Variants in SLC22A7 observed in about 807,000 individuals in gnomAD.
SLC22A7 encodes solute carrier family 22 member 7.
SLC22A7 carries 48 observed loss-of-function variants against 62.2 expected under a neutral mutation model. The observed-to-expected ratio is 0.77, with a 90% confidence interval of 0.61 to 0.98. The LOEUF is 0.98. Among genes scored for constraint, SLC22A7 ranks in the 50% least tolerant of loss-of-function variants. The pLI is 0.00. For missense variants in SLC22A7, 581 were observed against 703.8 expected (o/e 0.83, Z 1.97); for synonymous variants, 276 against 314.8 (o/e 0.88, Z 1.30).
intron 5 of SLC22A7, among the ~76,000 whole-genome samples, chr6:43,300,528 G>A (rs1778703349): frequency 6.6e-6 from 1 of 152,202 alleles, no homozygotes; most frequent in Non-Finnish European, 1.5e-5. Context: ...GTGAGTGGCT[G>A]GTGCTGGGAG....
chr6:43,302,892 A>C lies in SLC22A7; in HGVS notation c.1385+129A>C. The C allele has an allele frequency of 1.4e-6, 1 of 706,048 alleles. No homozygotes were observed. The highest frequency in any genetic ancestry group is 2.3e-6 in the Non-Finnish European group (1 of 427,922). 43.7% of individuals were successfully genotyped at this position (706,048 alleles called of 1,614,324 possible). A position where few individuals can be genotyped will look rare whatever the true frequency, so the allele number is the denominator to read the frequency against. On this transcript the variant is annotated intron_variant, in intron 9 of 10. Transcript: ENST00000372585. This position sits in a 1 kb window ranked among gnomAD's most constrained non-coding sequence, Gnocchi z 5.0. ...TTTTTTTAATTTTAATTTTTGGTAG[A>C]GACGGGGTCTTGCTATATTACCCAG... is the stretch of plus-strand genomic sequence containing the variant.
chr6:43,301,535 A>G, intron 6 of SLC22A7, 48 bp from the exon 7 acceptor site: 1 of 1,448,994 alleles, frequency 6.9e-7, no homozygotes, highest in Non-Finnish European at 9.7e-7. Context: ...TCCCATTGAG[A>G]TCACATAGCC....
upstream of SLC22A7, chr6:43,298,031 A>T: frequency 4.0e-6 from 1 of 251,068 alleles, no homozygotes; most frequent in Non-Finnish European, 7.5e-6. Flanking sequence ...CTAGGGGCTC[A>T]CCTCCTATGC....
rs2270860 is a variant in SLC22A7, at chr6:43,302,413, C to T, written c.1275C>T (p.Ser425=). ...LAFGTRLLVS[S]DMKSWSTVLA... is the part of the protein sequence containing the mutation. ...TCGGCACTAGACTGCTAGTGTCCTC[C>T]GGTGAGCCCAGTCCCATAGGTTCTG... The change falls in exon 8 of 11, where the codon TCC becomes TCT. Residue 425 remains serine, a splice_region_variant and synonymous_variant. Transcript: ENST00000372585. The surrounding 1 kb of genome is among the most constrained non-coding windows in gnomAD (Gnocchi z 5.0). 0.33 allele frequency: 521,081 copies of T among 1,575,820 alleles called. 92,367 individuals are homozygous for T. The highest frequency in any genetic ancestry group is 0.68 in the African/African-American group (50,645 of 74,186).
rs371972408 is a variant in SLC22A7, at chr6:43,299,768, C to T, written c.645C>T (p.Ile215=). 2.9e-5 allele frequency: 47 copies of T among 1,614,148 alleles called. No individual in the cohort carries two copies. Among genetic ancestry groups the T allele is most frequent in the Non-Finnish European group, 3.9e-5 (46 of 1,180,012 alleles). The change falls in exon 4 of 11, where the codon ATC becomes ATT. Residue 215 remains isoleucine (I), a synonymous_variant. Coordinates refer to ENST00000372585, the MANE Select transcript of SLC22A7 (RefSeq NM_153320.2). The surrounding 1 kb of genome is among the most constrained non-coding windows in gnomAD (Gnocchi z 4.4). ...TGSALAGFTI[I]VMPLELEWLD... ...CAGCCCTGGCTGGTTTTACCATCAT[C>T]GTGATGCCACTGGGTGAGGCAGGCA...
Position 43,302,507 on chromosome 6 carries a change from A to G in SLC22A7, c.1276+93A>G, listed in dbSNP as rs1040850069. On this transcript the variant is annotated intron_variant, in intron 8 of 10. Transcript: ENST00000372585. The surrounding 1 kb of genome is among the most constrained non-coding windows in gnomAD (Gnocchi z 5.0). Reference sequence around the variant, plus strand: ...GACCCCACCTCCTGGCCAAGAACCCACTCCTCCCCCAGATCCCTGCTCTTA... The same window carrying G: ...GACCCCACCTCCTGGCCAAGAACCCGCTCCTCCCCCAGATCCCTGCTCTTA... The G allele has an allele frequency of 5.6e-6, 7 of 1,256,876 alleles. No homozygotes were observed. The African/African-American group carries it at 1.1e-4, about 19-fold the overall frequency. The allele number at this position is 1,256,876 out of a possible 1,614,324, so 77.9% of individuals were successfully genotyped here. A position where few individuals can be genotyped will look rare whatever the true frequency, so the allele number is the denominator to read the frequency against.
At position 43,301,139 on chromosome 6, in the gene SLC22A7, G is replaced by A. The variant is rs778780635; in HGVS notation, c.832G>A (p.Val278Met). 6.2e-6 allele frequency: 10 copies of A among 1,614,068 alleles called. No homozygotes were observed. The Admixed American group carries it at 1.3e-4, about 22-fold the overall frequency. ...CAPGILSLWW[V>M]PESARWLLTQ... is the part of the protein sequence containing the mutation. ...GGACCTTCTGCCTATTCCTAGGTGG[G>A]TGCCTGAGTCTGCACGCTGGCTTCT... The change falls in exon 6 of 11, where the codon GTG becomes ATG. Residue 278 changes from valine (V) to methionine (M), a missense_variant. Physicochemically the swap from Val to Met is conservative, Grantham distance 21. Coordinates refer to ENST00000372585, the MANE Select transcript of SLC22A7 (RefSeq NM_153320.2).
In SLC22A7 at chr6:43,299,734, T is replaced by C; in HGVS notation, c.611T>C (p.Leu204Pro). The change falls in exon 4 of 11, where the codon CTT becomes CCT. Residue 204 changes from leucine to proline, a missense_variant. Physicochemically the swap from Leu to Pro is moderately conservative, Grantham distance 98. Coordinates refer to ENST00000372585, the MANE Select transcript of SLC22A7 (RefSeq NM_153320.2). This position sits in a 1 kb window ranked among gnomAD's most constrained non-coding sequence, Gnocchi z 4.4. ...SYVMFAITRT[L>P]TGSALAGFTI... ...GTAATGTTTGCCATCACCCGCACCC[T>C]TACTGGCTCAGCCCTGGCTGGTTTT... 6.2e-7 allele frequency: 1 copy of C among 1,614,170 alleles called. No individual in the cohort carries two copies. The highest frequency in any genetic ancestry group is 1.1e-5 in the South Asian group (1 of 91,078).
At chr6:43,303,434 T>C (rs1357871746) in intron 9 of SLC22A7, among the ~76,000 whole-genome samples, 2 of 152,066 alleles carry the variant, frequency 1.3e-5, no homozygotes, top group Admixed American at 1.3e-4. Context: ...CACTCCAGCC[T>C]GGGCGAGAAA....
Position 43,302,764 on chromosome 6 carries a change from G to C in SLC22A7, c.1385+1G>C. 2 of 1,597,420 alleles carry C rather than the reference G, an allele frequency of 1.3e-6. No individual in the cohort carries two copies. The highest frequency in any genetic ancestry group is 1.7e-6 in the Non-Finnish European group (2 of 1,167,854). On this transcript the variant is annotated splice_donor_variant, in intron 9 of 10. Transcript: ENST00000372585. LOFTEE classifies it high-confidence loss of function. The surrounding 1 kb of genome is among the most constrained non-coding windows in gnomAD (Gnocchi z 5.0). ...CAGAGTTGTACCCTACGGTGCTCAG[G>C]TGAGGAAGCCTGCAACTGATCTGGG...
Position 43,304,235 on chromosome 6 carries a change from A to G in SLC22A7, c.1583A>G (p.Glu528Gly), listed in dbSNP as rs1484560341. The G allele has an allele frequency of 1.3e-6, 2 of 1,562,060 alleles. No homozygotes were observed. Among genetic ancestry groups the G allele is most frequent in the Non-Finnish European group, 1.7e-6 (2 of 1,152,444 alleles). ...CTGCCAGAGACCATCCAGGACGTGG[A>G]GAGAAAGAGGTGTGTGCACAGGACT... is the stretch of plus-strand genomic sequence containing the variant. ...AQLPETIQDV[E>G]RKSAPTSLQE... The change falls in exon 10 of 11, where the codon GAG becomes GGG. Residue 528 changes from glutamate to glycine, a missense_variant. Glu to Gly is a moderately conservative substitution (Grantham distance 98). Coordinates refer to ENST00000372585, the MANE Select transcript of SLC22A7 (RefSeq NM_153320.2).
chr6:43,296,142 T>A (rs1242621849), upstream of SLC22A7, among the ~76,000 whole-genome samples: 2 of 152,190 alleles, frequency 1.3e-5, no homozygotes, highest in Non-Finnish European at 2.9e-5. Context: ...TGACCTCAGG[T>A]GACCCACCCG....
chr6:43,303,244 G>A (rs1778817268), intron 9 of SLC22A7: 1 of 756,950 alleles, frequency 1.3e-6, no homozygotes, highest in Non-Finnish European at 1.6e-6. Flanking sequence ...GCGGATCACT[G>A]AAGGTCAGGA....
At chr6:43,300,130 C>G in intron 5 of SLC22A7, 64 bp downstream of exon 5, 3 of 1,536,394 alleles carry the variant, frequency 2.0e-6, no homozygotes, top group South Asian at 1.2e-5. Context: ...TTAATCAGAG[C>G]CTGAGATTTG....
upstream of SLC22A7, among the ~76,000 whole-genome samples, chr6:43,296,490 T>C (rs1778566704): frequency 3.3e-5 from 5 of 152,244 alleles, no homozygotes; most frequent in Admixed American, 3.3e-4. Context: ...ATTTTATACA[T>C]TTTATATTAA....
In SLC22A7 at chr6:43,304,028, C is replaced by T; in HGVS notation, c.1386-10C>T. ...ACCATCTGCCTCCCTCATCCTCTTT[C>T]TCTGAACAGACAGACAGGGATGGGG... is the stretch of plus-strand genomic sequence containing the variant. On this transcript the variant is annotated splice_polypyrimidine_tract_variant and intron_variant, in intron 9 of 10. Transcript: ENST00000372585. The T allele has an allele frequency of 1.3e-6, 2 of 1,511,312 alleles. No individual in the cohort carries two copies. Among genetic ancestry groups the T allele is most frequent in the Non-Finnish European group, 1.8e-6 (2 of 1,124,048 alleles). The allele number at this position is 1,511,312 out of a possible 1,614,324, so 93.6% of individuals were successfully genotyped here.
At chr6:43,300,615 G>T (rs949105816) in intron 5 of SLC22A7, among the ~76,000 whole-genome samples, 1 of 152,142 alleles carries the variant, frequency 6.6e-6, no homozygotes, top group Non-Finnish European at 1.5e-5. Context: ...GGGCAAGGAA[G>T]TGTGGGAAGA....
rs929221500 is a variant in SLC22A7 at position 43,301,416 on chromosome 6, G to A, written c.951+158G>A. 4.0e-5 allele frequency: 46 copies of A among 1,155,540 alleles called. 1 individual carries two copies. In the Admixed American group the frequency reaches 8.1e-4, roughly 20 times the overall value. 71.6% of individuals were successfully genotyped at this position (1,155,540 alleles called of 1,614,324 possible). A position where few individuals can be genotyped will look rare whatever the true frequency, so the allele number is the denominator to read the frequency against. On this transcript the variant is annotated intron_variant, in intron 6 of 10. Coordinates refer to ENST00000372585, the MANE Select transcript of SLC22A7 (RefSeq NM_153320.2). Reference sequence around the variant, plus strand: ...CTTTAGGATGTCCTACCTGGCTCCAGTGGGCCACATCCATCATTCGAGACC... The same window carrying A: ...CTTTAGGATGTCCTACCTGGCTCCAATGGGCCACATCCATCATTCGAGACC...
At position 43,301,619 on chromosome 6, in the gene SLC22A7, C is replaced by G; in HGVS notation, c.988C>G (p.Arg330Gly). 6.2e-7 allele frequency: 1 copy of G among 1,614,128 alleles called. No homozygotes were observed. The highest frequency in any genetic ancestry group is 8.5e-7 in the Non-Finnish European group (1 of 1,180,014). Residue 330 changes from arginine (R) to glycine (G), a missense_variant, in exon 7 of 11, where the codon CGA (arginine) becomes GGA (glycine). By Grantham distance (125) the Arg-to-Gly change is moderately radical. Transcript: ENST00000372585. ...SKVAAGERVV[R>G]RPSYLDLFRT... is the part of the protein sequence containing the mutation. ...AGTGGCCGCCGGGGAACGGGTGGTCCGAAGACCTTCATACCTAGACCTGTT... is the reference window on the plus strand; with the variant it reads ...AGTGGCCGCCGGGGAACGGGTGGTCGGAAGACCTTCATACCTAGACCTGTT...
Sources: allele counts gnomAD v4.1 joint callset (sites outside exome capture counted in the v4.1 genomes callset), GRCh38; gene constraint gnomAD v4.1.1; non-coding constraint Gnocchi (gnomAD v3.1); transcripts MANE v1.5; gene names NCBI Gene and HGNC (gene_info 2026-07-23, HGNC 2026-07-21).